The following CNTN5 variants were observed in gnomAD, a reference collection of about 807,000 sequenced individuals.
The protein encoded by CNTN5 is contactin 5, also known as contactin-5.
CNTN5 carries 77 observed loss-of-function variants against 129.1 expected under a neutral mutation model. That is an observed-to-expected ratio of 0.60 (90% CI 0.50 to 0.72). CNTN5 has a LOEUF of 0.72. Ranked by LOEUF, CNTN5 falls within the 30% of genes least tolerant of loss-of-function variation. CNTN5 has a pLI of 0.00. For missense variants in CNTN5, 1,478 were observed against 1,328.8 expected, an observed-to-expected ratio of 1.11 and a Z score of -1.75; for synonymous variants, 509 against 465.6, an observed-to-expected ratio of 1.09 and a Z score of -1.20.
At chr11:99,261,996 G>C (rs1053119625) in intron 1 of CNTN5, among the ~76,000 whole-genome samples, 10 of 151,868 alleles carry the variant, frequency 6.6e-5, no homozygotes, top group Non-Finnish European at 1.5e-5. Context: ...TCTCCTAATT[G>C]AGCTTCTGAA....
intron 2 of CNTN5, among the ~76,000 whole-genome samples, chr11:99,329,755 G>C (rs947486395): frequency 6.6e-6 from 1 of 152,102 alleles, no homozygotes; most frequent in African/African-American, 2.4e-5. Context: ...TTGACTCTGT[G>C]CTGTAATATT....
intron 7 of CNTN5, among the ~76,000 whole-genome samples, chr11:99,933,807 A>G (rs2136084537): frequency 6.6e-6 from 1 of 152,348 alleles, no homozygotes; most frequent in East Asian, 1.9e-4. Flanking sequence ...TCCATTTATC[A>G]GTTGATGTAC....
intron 3 of CNTN5, among the ~76,000 whole-genome samples, chr11:99,586,901 A>T (rs11220551): frequency 0.065 from 9,840 of 152,286 alleles, 374 homozygotes; most frequent in Non-Finnish European, 0.077. Context: ...AGTGCTAGAT[A>T]TGTAAGCTTA....
chr11:99,918,149 T>A (rs1372898250), intron 7 of CNTN5, among the ~76,000 whole-genome samples: 1 of 152,172 alleles, frequency 6.6e-6, no homozygotes, highest in Non-Finnish European at 1.5e-5. Context: ...CCACCTCCTT[T>A]GATTCTTACT....
chr11:99,987,296 G>T (rs1240680735), intron 8 of CNTN5, among the ~76,000 whole-genome samples: 3 of 151,402 alleles, frequency 2.0e-5, no homozygotes, highest in Non-Finnish European at 2.9e-5. Flanking sequence ...AGTGAAAACA[G>T]ATATGGAACA....
intron 1 of CNTN5, among the ~76,000 whole-genome samples, chr11:99,117,980 G>A (rs150941213): frequency 6.6e-6 from 1 of 152,230 alleles, no homozygotes; most frequent in African/African-American, 2.4e-5. Flanking sequence ...ACAATTTTAG[G>A]TATGTTTTCT....
At chr11:99,478,307 T>C (rs1466203337) in intron 2 of CNTN5, among the ~76,000 whole-genome samples, 1 of 152,084 alleles carries the variant, frequency 6.6e-6, no homozygotes, top group African/African-American at 2.4e-5. Flanking sequence ...TCAGTTTCTT[T>C]TGGGTTGCTG....
In CNTN5 at chr11:100,073,614, T is replaced by G. The variant is rs915524897; in HGVS notation, c.1430-530T>G. Among the ~76,000 whole-genome samples, 3 of 151,948 alleles carry G rather than the reference T, an allele frequency of 2.0e-5. 1 individual carries two copies. In the South Asian group the frequency reaches 6.2e-4, roughly 31 times the overall value. Reference sequence around the variant, plus strand: ...GAATGATCAAACCTAAGTGAAAAATTACAAGTAAAATTGCTAATTGAAATT... The same window carrying G: ...GAATGATCAAACCTAAGTGAAAAATGACAAGTAAAATTGCTAATTGAAATT... On this transcript the variant is annotated intron_variant, in intron 12 of 24. Coordinates refer to ENST00000524871, the MANE Select transcript of CNTN5 (RefSeq NM_014361.4).
At chr11:99,505,961 C>A (rs1379482325) in intron 2 of CNTN5, among the ~76,000 whole-genome samples, 1 of 152,188 alleles carries the variant, frequency 6.6e-6, no homozygotes. Flanking sequence ...AGTGTGTGTT[C>A]TTTTCACTTT....
rs1186386021 is a variant in CNTN5, at chr11:99,358,255, A to ATTTTTTTTTTTTTTTTTTTTTTTTTTTT, written c.-71+32791_-71+32792insTTTTTTTTTTTTTTTTTTTTTTTTTTTT. On this transcript the variant is annotated intron_variant, in intron 2 of 24. Coordinates refer to ENST00000524871, the MANE Select transcript of CNTN5 (RefSeq NM_014361.4). ...AGGCGCCCGCCACCACGCCCTGCTG[A>ATTTTTTTTTTTTTTTTTTTTTTTTTTTT]TTTTTTTTTTTTTTTTTTTTAGTAG... is the stretch of plus-strand genomic sequence containing the variant. Among the ~76,000 whole-genome samples the ATTTTTTTTTTTTTTTTTTTTTTTTTTTT allele has an allele frequency of 1.1e-4, 5 of 46,924 alleles. 1 individual carries two copies. Among genetic ancestry groups the ATTTTTTTTTTTTTTTTTTTTTTTTTTTT allele is most frequent in the South Asian group, 1.2e-3 (1 of 850 alleles). The allele number at this position is 46,924 out of a possible 152,430, so 30.8% of individuals were successfully genotyped here.
chr11:99,129,995 G>A (rs115177859), intron 1 of CNTN5, among the ~76,000 whole-genome samples: 575 of 152,208 alleles, frequency 3.8e-3, no homozygotes, highest in African/African-American at 0.013. Context: ...AGTGTTACCA[G>A]CCACTACAGA....
intron 7 of CNTN5, among the ~76,000 whole-genome samples, chr11:99,937,498 G>C (rs544211783): frequency 6.6e-6 from 1 of 152,358 alleles, no homozygotes; most frequent in Non-Finnish European, 1.5e-5. Context: ...AATGCAGGCA[G>C]AATGGCCAGC....
At chr11:99,802,402 C>T (rs893367201) in intron 3 of CNTN5, among the ~76,000 whole-genome samples, 2 of 152,132 alleles carry the variant, frequency 1.3e-5, no homozygotes, top group African/African-American at 4.8e-5. Flanking sequence ...CAGGAAGGCT[C>T]ACCTACATGT....
intron 18 of CNTN5, among the ~76,000 whole-genome samples, chr11:100,294,647 T>A (rs1951066112): frequency 6.6e-6 from 1 of 151,656 alleles, no homozygotes; most frequent in Non-Finnish European, 1.5e-5. Context: ...TAATTATATT[T>A]AAAATATATT....
At chr11:100,230,746 C>T (rs61909776) in intron 16 of CNTN5, among the ~76,000 whole-genome samples, 3 of 152,174 alleles carry the variant, frequency 2.0e-5, no homozygotes, top group African/African-American at 4.8e-5. Context: ...CTGATATCTC[C>T]GTCAACTGAC....
chr11:99,340,512 G>A (rs778824162), intron 2 of CNTN5, among the ~76,000 whole-genome samples: 5 of 152,142 alleles, frequency 3.3e-5, no homozygotes, highest in Non-Finnish European at 7.4e-5. Flanking sequence ...AGATTATAAA[G>A]ACTTAAGGAG....
In CNTN5 at chr11:99,259,172, C is replaced by T. The variant is rs1184284776; in HGVS notation, c.-209-66174C>T. Among the ~76,000 whole-genome samples, 3 of 151,918 alleles carry T rather than the reference C, an allele frequency of 2.0e-5. No individual in the cohort carries two copies. The East Asian group carries it at 5.8e-4, about 29-fold the overall frequency. On this transcript the variant is annotated intron_variant, in intron 1 of 24. Transcript: ENST00000524871. ...GGTATCATGTTTGCCAGTGCATTTG[C>T]TATGCACAAATTATGTATCCATTTA...
At chr11:100,178,086 C>T (rs756848826) in intron 13 of CNTN5, among the ~76,000 whole-genome samples, 4 of 152,014 alleles carry the variant, frequency 2.6e-5, no homozygotes, top group Non-Finnish European at 5.9e-5. Context: ...GGATCATGAA[C>T]CCTTTATCAA....
chr11:99,638,343 T>A (rs187337408), intron 3 of CNTN5, among the ~76,000 whole-genome samples: 19 of 152,254 alleles, frequency 1.2e-4, no homozygotes, highest in African/African-American at 4.6e-4. Flanking sequence ...AAAATTCAAG[T>A]TGAGATTTGA....
Sources: allele counts gnomAD v4.1 joint callset (sites outside exome capture counted in the v4.1 genomes callset), GRCh38; gene constraint gnomAD v4.1.1; transcripts MANE v1.5; gene names NCBI Gene and HGNC (gene_info 2026-07-23, HGNC 2026-07-21).